ASIC2: variants seen among roughly 807,000 people sequenced by gnomAD.
ASIC2 encodes acid-sensing ion channel 2.
A neutral mutation model predicts 57.3 loss-of-function variants in ASIC2; 25 were observed. That is an observed-to-expected ratio of 0.44 (90% CI 0.32 to 0.61). The LOEUF (loss-of-function observed/expected upper bound fraction) is 0.61. Ranked by LOEUF, ASIC2 falls within the 20% of genes least tolerant of loss-of-function variation. The pLI is 0.06. For missense variants in ASIC2, 641 were observed against 738.1 expected (o/e 0.87, Z 1.52); for synonymous variants, 319 against 307.5 (o/e 1.04, Z -0.39).
At chr17:34,082,409 CTG>C (rs1909919479) in intron 1 of ASIC2, among the ~76,000 whole-genome samples, 1 of 152,214 alleles carries the variant, frequency 6.6e-6, no homozygotes, top group Non-Finnish European at 1.5e-5. Flanking sequence ...TATCACAAAA[CTG>C]TGACATTTTA....
intron 1 of ASIC2, among the ~76,000 whole-genome samples, chr17:33,447,930 AAAG>A (rs1470375329): frequency 6.7e-6 from 1 of 150,128 alleles, no homozygotes; most frequent in African/African-American, 2.4e-5. Context: ...AAAAAAAAAA[AAAG>A]AAAAGACAAA....
chr17:33,712,789 G>T (rs1328668508), intron 1 of ASIC2, among the ~76,000 whole-genome samples: 1 of 150,062 alleles, frequency 6.7e-6, no homozygotes, highest in African/African-American at 2.4e-5. Context: ...GGGACTACAG[G>T]CGCCCGCCAC....
chr17:33,356,903 C>T (rs370214312), intron 1 of ASIC2, among the ~76,000 whole-genome samples: 41 of 148,380 alleles, frequency 2.8e-4, no homozygotes, highest in African/African-American at 9.8e-4. Context: ...CAAGACATCT[C>T]CAGAACGTCC....
At chr17:33,686,033 C>G (rs942532089) in intron 1 of ASIC2, among the ~76,000 whole-genome samples, 1 of 152,160 alleles carries the variant, frequency 6.6e-6, no homozygotes. Context: ...TGTTTCCCCA[C>G]TTGACGACAG....
chr17:33,447,398 ATTGT>A (rs1165412035), intron 1 of ASIC2, among the ~76,000 whole-genome samples: 1 of 152,170 alleles, frequency 6.6e-6, no homozygotes, highest in Non-Finnish European at 1.5e-5. Flanking sequence ...TATGAGGATA[ATTGT>A]TTGTTGAAGT....
intron 1 of ASIC2, among the ~76,000 whole-genome samples, chr17:33,783,664 A>T (rs1911521854): frequency 1.3e-5 from 2 of 152,184 alleles, no homozygotes; most frequent in South Asian, 4.1e-4. Flanking sequence ...TATATTTTGG[A>T]TTTCCATGTT....
chr17:34,055,801 T>A (rs1346923027), intron 1 of ASIC2, among the ~76,000 whole-genome samples: 1 of 152,228 alleles, frequency 6.6e-6, no homozygotes, highest in Non-Finnish European at 1.5e-5. Flanking sequence ...TTGTTCCCAA[T>A]TTTTGGCTAA....
chr17:33,385,131 C>T (rs1377399393), intron 1 of ASIC2, among the ~76,000 whole-genome samples: 1 of 152,218 alleles, frequency 6.6e-6, no homozygotes, highest in African/African-American at 2.4e-5. Flanking sequence ...ATAAAATGTA[C>T]AAGTGAAGAA....
intron 1 of ASIC2, among the ~76,000 whole-genome samples, chr17:34,012,944 C>T (rs1316039516): frequency 6.6e-6 from 1 of 152,140 alleles, no homozygotes; most frequent in Non-Finnish European, 1.5e-5. Flanking sequence ...TTTCTCAGGG[C>T]AATGTCCCCC....
intron 3 of ASIC2, among the ~76,000 whole-genome samples, chr17:33,071,649 T>C (rs1011789979): frequency 6.6e-6 from 1 of 152,220 alleles, no homozygotes; most frequent in Non-Finnish European, 1.5e-5. Context: ...AATTTTAACA[T>C]GTTGGGTATT....
intron 1 of ASIC2, among the ~76,000 whole-genome samples, chr17:33,833,397 T>C (rs1453447776): frequency 1.3e-5 from 2 of 152,210 alleles, no homozygotes; most frequent in East Asian, 1.9e-4. Flanking sequence ...AGGGGGTTAC[T>C]GGAGTACTGA....
chr17:33,612,183 A>G (rs2142016183), intron 1 of ASIC2, among the ~76,000 whole-genome samples: 1 of 152,310 alleles, frequency 6.6e-6, no homozygotes, highest in East Asian at 1.9e-4. Flanking sequence ...TACTCAGTCT[A>G]CTGGTTTAAA....
intron 2 of ASIC2, among the ~76,000 whole-genome samples, chr17:33,103,078 C>T (rs548831192): frequency 1.1e-4 from 17 of 152,154 alleles, no homozygotes; most frequent in Non-Finnish European, 1.6e-4. Flanking sequence ...CCACAGCACC[C>T]GGCCACATAT....
intron 1 of ASIC2, among the ~76,000 whole-genome samples, chr17:33,806,911 T>C (rs1912282759): frequency 6.6e-6 from 1 of 152,234 alleles, no homozygotes; most frequent in Non-Finnish European, 1.5e-5. Context: ...CATGTTTGCA[T>C]GCTGTCACCA....
At chr17:33,310,122 C>G (rs545500771) in intron 1 of ASIC2, among the ~76,000 whole-genome samples, 1 of 151,442 alleles carries the variant, frequency 6.6e-6, no homozygotes, top group South Asian at 2.1e-4. Flanking sequence ...TCATTGAAGC[C>G]TGGGTGTTTT....
chr17:33,708,145 T>C (rs1364696169), intron 1 of ASIC2, among the ~76,000 whole-genome samples: 1 of 152,198 alleles, frequency 6.6e-6, no homozygotes, highest in African/African-American at 2.4e-5. Flanking sequence ...AATTATTTCT[T>C]TTATGGAGTT....
chr17:33,907,432 C>T (rs142478457), intron 1 of ASIC2, among the ~76,000 whole-genome samples: 1 of 152,196 alleles, frequency 6.6e-6, no homozygotes, highest in South Asian at 2.1e-4. Flanking sequence ...TGCTCCATTT[C>T]CATGCACCTC....
intron 2 of ASIC2, among the ~76,000 whole-genome samples, chr17:33,091,738 C>A (rs1233702605): frequency 6.6e-6 from 1 of 152,100 alleles, no homozygotes; most frequent in Non-Finnish European, 1.5e-5. Context: ...TAAAAACATC[C>A]AGTGGCTGGA....
At chr17:33,662,667 ATAAG>A (rs1043772158) in intron 1 of ASIC2, among the ~76,000 whole-genome samples, 23 of 110,796 alleles carry the variant, frequency 2.1e-4, no homozygotes, top group Non-Finnish European at 4.3e-4. Flanking sequence ...AAATAAATAA[ATAAG>A]TAAAATAAAA....
Sources: gnomAD v4.1 joint callset for allele counts (sites outside exome capture counted in the v4.1 genomes callset) on GRCh38, gnomAD v4.1.1 for gene constraint, MANE v1.5 for transcripts, NCBI Gene and HGNC (gene_info 2026-07-23, HGNC 2026-07-21) for gene names.